The following PRRC2C variants were observed in gnomAD, a reference collection of about 807,000 sequenced individuals.
The protein encoded by PRRC2C is proline rich coiled-coil 2C.
In PRRC2C, 72 loss-of-function variants were observed where a neutral mutation model predicts 317.2. The observed-to-expected ratio is 0.23, with a 90% CI of 0.19 to 0.28. The LOEUF (loss-of-function observed/expected upper bound fraction) is 0.28. PRRC2C is among the 10% of genes least tolerant of loss of function. The probability of loss-of-function intolerance (pLI) is 1.00; values close to 1 mark genes in which losing one functional copy is unlikely to be tolerated. For synonymous variants in PRRC2C, 1,296 were observed against 1,205.9 expected (o/e 1.07, Z -1.55); for missense variants, 3,074 against 3,459.7 (o/e 0.89, Z 2.80).
chr1:171,579,421 G>T lies in PRRC2C; in HGVS notation c.7227G>T (p.Pro2409=), dbSNP rs370930354. ...LFNTQHARLA[P]PSLAQQQGFQ... ...ATACCCAACATGCACGATTGGCTCC[G>T]CCATCCTTGGCTCAACAACAGGGTT... Residue 2409 remains proline, a synonymous_variant, in exon 27 of 35, where the codon CCG becomes CCT. Transcript: ENST00000647382. 1.2e-6 allele frequency: 2 copies of T among 1,613,730 alleles called. No individual in the cohort carries two copies. Among genetic ancestry groups the T allele is most frequent in the Admixed American group, 3.3e-5 (2 of 60,028 alleles).
rs78615183 is a variant in PRRC2C at position 171,509,328 on chromosome 1, C to T, written c.-57-2704C>T. Among the ~76,000 whole-genome samples, 738 of 152,224 alleles carry T rather than the reference C, an allele frequency of 4.8e-3. 4 individuals carry two copies. Among genetic ancestry groups the T allele is most frequent in the African/African-American group, 0.017 (687 of 41,536 alleles). ...TTCAAAACAAAGAAATGTAAACAGG[C>T]AGTGTGGGGATATATTCCTCAGGAG... On this transcript the variant is annotated intron_variant, in intron 1 of 34. Coordinates refer to ENST00000647382, the MANE Select transcript of PRRC2C (RefSeq NM_001387844.1).
intron 18 of PRRC2C, among the ~76,000 whole-genome samples, chr1:171,552,875 T>C (rs1050842144): frequency 6.6e-6 from 1 of 152,240 alleles, no homozygotes; most frequent in Admixed American, 6.5e-5. Context: ...CAGTATTTTA[T>C]TGAGGATTTT....
Position 171,542,221 on chromosome 1 carries a change from G to A in PRRC2C, c.4755G>A (p.Gly1585=), listed in dbSNP as rs1678069058. The stretch of plus-strand genomic sequence containing the variant: ...GAAGTGGCCCACCATCAAAAAGTGG[G>A]AAGAGAGGGTGAGTACTTTGTTTTA... The part of the protein sequence containing the change: ...ERRSGPPSKS[G]KRGPFDDQPA... Residue 1585 remains glycine, a synonymous_variant, in exon 16 of 35, where the codon GGG becomes GGA. Coordinates refer to ENST00000647382, the MANE Select transcript of PRRC2C (RefSeq NM_001387844.1). 2.6e-6 allele frequency: 4 copies of A among 1,547,494 alleles called. No individual in the cohort carries two copies. The highest frequency in any genetic ancestry group is 3.5e-6 in the Non-Finnish European group (4 of 1,151,098).
intron 1 of PRRC2C, among the ~76,000 whole-genome samples, chr1:171,486,779 A>G (rs1270831314): frequency 6.6e-6 from 1 of 152,198 alleles, no homozygotes; most frequent in Non-Finnish European, 1.5e-5. Context: ...AGTACTTAAT[A>G]GCTTACTCCT....
intron 1 of PRRC2C, among the ~76,000 whole-genome samples, chr1:171,508,136 C>G (rs1670601431): frequency 6.6e-6 from 1 of 151,968 alleles, no homozygotes; most frequent in Admixed American, 6.6e-5. Context: ...CCTTTTATTC[C>G]TTTTTTTGGT....
chr1:171,505,333 T>A (rs1262140756), intron 1 of PRRC2C, among the ~76,000 whole-genome samples: 16 of 152,302 alleles, frequency 1.1e-4, no homozygotes, highest in Non-Finnish European at 4.4e-5. Context: ...CGGCTGTATT[T>A]CATTTTTTAT....
chr1:171,560,655 G>A (rs1322429055), intron 19 of PRRC2C, among the ~76,000 whole-genome samples: 1 of 152,158 alleles, frequency 6.6e-6, no homozygotes, highest in African/African-American at 2.4e-5. Flanking sequence ...TTCCTTTTTA[G>A]CGGTAGTTTT....
At chr1:171,524,986 TC>T in intron 10 of PRRC2C, 21 bp downstream of exon 10, 3 of 1,552,618 alleles carry the variant, frequency 1.9e-6, no homozygotes, top group Non-Finnish European at 1.7e-6. Context: ...CTCATGGAGA[TC>T]CTTGTTATTG....
chr1:171,527,887 A>G (rs1365624780), intron 11 of PRRC2C, 43 bp downstream of exon 11: 11 of 1,507,472 alleles, frequency 7.3e-6, no homozygotes, highest in African/African-American at 1.4e-5. Flanking sequence ...ATTTTATTTG[A>G]CCTTTTGTTT....
At chr1:171,515,933 C>CT (rs1672266905) in intron 5 of PRRC2C, 74 bp downstream of exon 5, 2 of 1,442,030 alleles carry the variant, frequency 1.4e-6, no homozygotes, top group African/African-American at 2.8e-5. Context: ...CTCCTGCTTG[C>CT]TGTTGCATAT....
intron 12 of PRRC2C, among the ~76,000 whole-genome samples, chr1:171,533,852 G>A (rs1676316210): frequency 6.6e-6 from 1 of 152,128 alleles, no homozygotes; most frequent in Non-Finnish European, 1.5e-5. Flanking sequence ...TCAATCTCTT[G>A]ACCTCGTGAT....
chr1:171,526,815 T>TTTTTTTTTTTTTTTTTTG (rs1674667060), intron 10 of PRRC2C, among the ~76,000 whole-genome samples: 1 of 134,628 alleles, frequency 7.4e-6, no homozygotes, highest in Non-Finnish European at 1.6e-5. Context: ...CTTTTTTTTT[T>TTTTTTTTTTTTTTTTTTG]TTTTTTTTTT....
In PRRC2C at chr1:171,575,120, C is replaced by T; in HGVS notation, c.6947C>T (p.Ser2316Leu). Residue 2316 changes from serine to leucine, a missense_variant, in exon 25 of 35, where the codon TCA (serine) becomes TTA (leucine). By Grantham distance (145) the Ser-to-Leu change is moderately radical (BLOSUM62 -2). Around this residue, in one of 11 missense-constraint regions of PRRC2C, gnomAD observed 490 missense variants for 663.1 expected, o/e 0.74. Coordinates refer to ENST00000647382, the MANE Select transcript of PRRC2C (RefSeq NM_001387844.1). ...GTTGCTTCAGTCACTCCTACAGCAT[C>T]ACTATCAGGTAGAACTTTTTCGTTC... ...IPVASVTPTA[S>L]LSGAGTYTTS... The T allele has an allele frequency of 2.5e-6, 4 of 1,612,706 alleles. No individual in the cohort carries two copies. The highest frequency in any genetic ancestry group is 3.4e-6 in the Non-Finnish European group (4 of 1,179,056).
intron 22 of PRRC2C, among the ~76,000 whole-genome samples, 152 bp downstream of exon 22, chr1:171,566,995 A>G (rs986265390): frequency 6.6e-6 from 1 of 152,194 alleles, no homozygotes; most frequent in Admixed American, 6.5e-5. Context: ...CATGATTTGC[A>G]TATGTAATCT....
At chr1:171,563,450 T>C (rs576858812) in intron 20 of PRRC2C, among the ~76,000 whole-genome samples, 9 of 152,288 alleles carry the variant, frequency 5.9e-5, no homozygotes, top group East Asian at 1.9e-4. Flanking sequence ...TCTGAATATT[T>C]TCCATCCATA....
At chr1:171,586,719 T>C (rs531874833) in intron 30 of PRRC2C, among the ~76,000 whole-genome samples, 3 of 151,814 alleles carry the variant, frequency 2.0e-5, no homozygotes, top group Admixed American at 2.0e-4. Flanking sequence ...TAGCTGAGAC[T>C]ACAGGCACAT....
chr1:171,578,288 C>T (rs1647641225), intron 26 of PRRC2C, among the ~76,000 whole-genome samples: 1 of 151,976 alleles, frequency 6.6e-6, no homozygotes, highest in South Asian at 2.1e-4. Flanking sequence ...TGTGGTGGCT[C>T]ATACCTATAA....
Position 171,532,340 on chromosome 1 carries a change from C to T in PRRC2C, c.1255-3C>T. On this transcript the variant is annotated splice_region_variant and splice_polypyrimidine_tract_variant and intron_variant, in intron 11 of 34. Coordinates refer to ENST00000647382, the MANE Select transcript of PRRC2C (RefSeq NM_001387844.1). ...TAACTCATCTGATACCTTAATGTTT[C>T]AGCATCCACCTCCAGATCGACAGGC... 6.2e-7 allele frequency: 1 copy of T among 1,605,824 alleles called. No individual in the cohort carries two copies. Among genetic ancestry groups the T allele is most frequent in the African/African-American group, 1.3e-5 (1 of 74,420 alleles).
At chr1:171,550,972 G>A (rs1680126885) in intron 18 of PRRC2C, among the ~76,000 whole-genome samples, 1 of 152,064 alleles carries the variant, frequency 6.6e-6, no homozygotes, top group Non-Finnish European at 1.5e-5. Context: ...TAATCCTTTG[G>A]GTATATACCC....
Sources: gnomAD v4.1 joint callset for allele counts (sites outside exome capture counted in the v4.1 genomes callset) on GRCh38, gnomAD v4.1.1 for gene constraint, gnomAD v4.1.1 regional missense constraint, MANE v1.5 for transcripts, NCBI Gene and HGNC (gene_info 2026-07-23, HGNC 2026-07-21) for gene names.